Variants in TRPM7 observed in about 807,000 individuals in gnomAD.
TRPM7 encodes LTRPC ion channel family member 7.
A neutral mutation model predicts 229.7 loss-of-function variants in TRPM7; 134 were observed. The observed-to-expected ratio is 0.58, with a 90% CI of 0.51 to 0.67. The LOEUF (loss-of-function observed/expected upper bound fraction) is 0.67, where lower values mean the gene tolerates loss of function less well. TRPM7 is among the 30% of genes least tolerant of loss of function. The pLI is 0.00. For synonymous variants in TRPM7, 699 were observed against 715.2 expected (o/e 0.98, Z 0.36); for missense variants, 1,901 against 2,210.0 (o/e 0.86, Z 2.80).
intron 4 of TRPM7, among the ~76,000 whole-genome samples, chr15:50,646,322 C>A (rs2061263754): frequency 6.6e-6 from 1 of 152,240 alleles, no homozygotes; most frequent in Non-Finnish European, 1.5e-5. Flanking sequence ...GGCTCTGTTG[C>A]CCAGGCTAGA....
chr15:50,628,004 CG>C, intron 11 of TRPM7, 144 bp downstream of exon 11: 1 of 617,188 alleles, frequency 1.6e-6, no homozygotes, highest in Non-Finnish European at 2.9e-6. Flanking sequence ...TAAACTGGAT[CG>C]GAATGGTGTA....
In TRPM7 at chr15:50,679,536, A is replaced by AT. The variant is rs1269564931; in HGVS notation, c.3+6994dup. Among the ~76,000 whole-genome samples the AT allele has an allele frequency of 5.0e-3, 244 of 48,904 alleles. 5 individuals carry two copies. The highest frequency in any genetic ancestry group is 0.022 in the African/African-American group (156 of 7,132). 32.1% of individuals were successfully genotyped at this position (48,904 alleles called of 152,430 possible). A position where few individuals can be genotyped will look rare whatever the true frequency, so the allele number is the denominator to read the frequency against. On this transcript the variant is annotated intron_variant, in intron 1 of 38. Transcript: ENST00000646667. ...AATATATATATATATATATATATATATATTTTTTTTTTTTTTTGAGACAGA... is the reference window on the plus strand; with the variant it reads ...AATATATATATATATATATATATATATTATTTTTTTTTTTTTTTGAGACAGA...
chr15:50,679,828 C>T (rs7182296), intron 1 of TRPM7, among the ~76,000 whole-genome samples: 4,707 of 152,020 alleles, frequency 0.031, 263 homozygotes, highest in African/African-American at 0.11. Context: ...AGCCACCATG[C>T]CCAGTCTTTT....
At chr15:50,584,591 G>A (rs1159056545) in intron 28 of TRPM7, among the ~76,000 whole-genome samples, 1 of 151,284 alleles carries the variant, frequency 6.6e-6, no homozygotes, top group Non-Finnish European at 1.5e-5. Flanking sequence ...AGAAATGCTT[G>A]GGATCAGAAG....
At chr15:50,581,024 A>T in intron 29 of TRPM7, 116 bp from the exon 30 acceptor site, 1 of 859,618 alleles carries the variant, frequency 1.2e-6, no homozygotes, top group Non-Finnish European at 1.8e-6. Flanking sequence ...CAAAAAACTA[A>T]CATACAGTTC....
chr15:50,624,172 G>A lies in TRPM7; in HGVS notation c.1434C>T (p.Tyr478=), dbSNP rs760236794. Residue 478 remains tyrosine, a synonymous_variant, in exon 12 of 39, where the codon TAC becomes TAT. Coordinates refer to ENST00000646667, the MANE Select transcript of TRPM7 (RefSeq NM_017672.6). ...FLTIPRLEEL[Y]NTKQGPTNPM... Reference sequence around the variant, plus strand: ...AATTTTAATGTAGACTTACAGTGTTGTAAAGTTCTTCCAGTCTCGGAATGG... The same window carrying A: ...AATTTTAATGTAGACTTACAGTGTTATAAAGTTCTTCCAGTCTCGGAATGG... 3 of 1,605,162 alleles carry A rather than the reference G, an allele frequency of 1.9e-6. No homozygotes were observed. The South Asian group carries it at 3.4e-5, about 18-fold the overall frequency.
intron 2 of TRPM7, among the ~76,000 whole-genome samples, chr15:50,660,943 T>C (rs2061706031): frequency 6.6e-6 from 1 of 152,006 alleles, no homozygotes; most frequent in East Asian, 1.9e-4. Context: ...ATATAAATTG[T>C]GGTATACACA....
At chr15:50,602,698 T>C (rs117781047) in intron 21 of TRPM7, among the ~76,000 whole-genome samples, 388 of 152,318 alleles carry the variant, frequency 2.5e-3, no homozygotes, top group Non-Finnish European at 4.5e-3. Flanking sequence ...AGCCCCAGCT[T>C]AGTTTAACTC....
rs577029428 is a variant in TRPM7, at chr15:50,614,915, A to T, written c.1495-652T>A. 8.0e-4 allele frequency among the ~76,000 whole-genome samples: 121 copies of T among 152,160 alleles called. 1 individual carries two copies. Among genetic ancestry groups the T allele is most frequent in the African/African-American group, 2.8e-3 (118 of 41,532 alleles). On this transcript the variant is annotated intron_variant, in intron 13 of 38. Coordinates refer to ENST00000646667, the MANE Select transcript of TRPM7 (RefSeq NM_017672.6). Reference sequence around the variant, plus strand: ...CTGGGCGCTGTGGCTCAGGCCTGTAATCCCAGCACTTTGGGAAGCCGAGGC... The same window carrying T: ...CTGGGCGCTGTGGCTCAGGCCTGTATTCCCAGCACTTTGGGAAGCCGAGGC...
rs562462853 is a variant in TRPM7 at position 50,680,358 on chromosome 15, T to A, written c.3+6173A>T. On this transcript the variant is annotated intron_variant, in intron 1 of 38. Coordinates refer to ENST00000646667, the MANE Select transcript of TRPM7 (RefSeq NM_017672.6). ...GAGTTCAAGGCCAGCCTGAGCAACA[T>A]GCCAAAACTCTGTCTCCAGTAAAAA... Among the ~76,000 whole-genome samples, 3 of 152,206 alleles carry A rather than the reference T, an allele frequency of 2.0e-5. No individual in the cohort carries two copies. The East Asian group carries it at 5.8e-4, about 29-fold the overall frequency.
At chr15:50,584,616 GT>G (rs78772652) in intron 28 of TRPM7, among the ~76,000 whole-genome samples, 486 of 133,804 alleles carry the variant, frequency 3.6e-3, no homozygotes, top group African/African-American at 5.2e-3. Flanking sequence ...TCAGATTTCT[GT>G]TTTTTTTTTT....
chr15:50,607,763 G>A (rs1204866821), intron 19 of TRPM7, among the ~76,000 whole-genome samples: 1 of 151,768 alleles, frequency 6.6e-6, no homozygotes, highest in Non-Finnish European at 1.5e-5. Context: ...AAAGACAACT[G>A]GGGCACGCCG....
intron 27 of TRPM7, among the ~76,000 whole-genome samples, chr15:50,588,570 GA>G (rs2059402182): frequency 6.6e-6 from 1 of 152,142 alleles, no homozygotes; most frequent in African/African-American, 2.4e-5. Flanking sequence ...ATCATTCATA[GA>G]AACTCCTACG....
chr15:50,583,213 A>G lies in TRPM7; in HGVS notation c.4487-54T>C, dbSNP rs2054510279. On this transcript the variant is annotated intron_variant, in intron 28 of 38. Coordinates refer to ENST00000646667, the MANE Select transcript of TRPM7 (RefSeq NM_017672.6). ...GCTACACAACTGAAGTTTTATGAATACCAACTAACCAAACACAAAGTATTC... is the reference window on the plus strand; with the variant it reads ...GCTACACAACTGAAGTTTTATGAATGCCAACTAACCAAACACAAAGTATTC... 4.7e-6 allele frequency: 6 copies of G among 1,274,202 alleles called. No homozygotes were observed. In the Admixed American group the frequency reaches 6.1e-5, roughly 13 times the overall value. 78.9% of individuals were successfully genotyped at this position (1,274,202 alleles called of 1,614,324 possible).
intron 38 of TRPM7, among the ~76,000 whole-genome samples, chr15:50,568,469 A>G (rs1470348721): frequency 2.0e-5 from 3 of 152,186 alleles, no homozygotes; most frequent in African/African-American, 4.8e-5. Context: ...TCTGTATACC[A>G]GCAATAATAA....
At chr15:50,631,704 CT>C (rs1424596776) in intron 9 of TRPM7, among the ~76,000 whole-genome samples, 4 of 151,946 alleles carry the variant, frequency 2.6e-5, no homozygotes, top group East Asian at 3.9e-4. Flanking sequence ...ATTTTAAAAA[CT>C]TTATCATTTA....
At chr15:50,625,522 C>T (rs1405450514) in intron 11 of TRPM7, among the ~76,000 whole-genome samples, 1 of 152,116 alleles carries the variant, frequency 6.6e-6, no homozygotes, top group Admixed American at 6.6e-5. Context: ...GATGTTCCCA[C>T]CTCAGCCTCC....
chr15:50,597,236 C>T (rs1289686166), intron 22 of TRPM7, among the ~76,000 whole-genome samples: 3 of 152,124 alleles, frequency 2.0e-5, no homozygotes, highest in East Asian at 1.9e-4. Context: ...TAATTACAAA[C>T]AAGGAAAGGA....
chr15:50,646,510 C>T (rs1230047159), intron 4 of TRPM7, among the ~76,000 whole-genome samples: 1 of 152,134 alleles, frequency 6.6e-6, no homozygotes, highest in Non-Finnish European at 1.5e-5. Context: ...TCTCAAACTC[C>T]TGAACTCAAG....
Sources: gnomAD v4.1 joint callset for allele counts (sites outside exome capture counted in the v4.1 genomes callset) on GRCh38, gnomAD v4.1.1 for gene constraint, MANE v1.5 for transcripts, NCBI Gene and HGNC (gene_info 2026-07-23, HGNC 2026-07-21) for gene names.